Variants in TBL1XR1 observed in about 807,000 individuals in gnomAD.
TBL1XR1 encodes F-box-like/WD repeat-containing protein TBL1XR1.
A neutral mutation model predicts 66.9 loss-of-function variants in TBL1XR1; 5 were observed. The observed-to-expected ratio is 0.07, with a 90% confidence interval of 0.04 to 0.16. TBL1XR1 has a LOEUF of 0.16. TBL1XR1 is among the 10% of genes least tolerant of loss of function. TBL1XR1 has a pLI of 1.00. For synonymous variants in TBL1XR1, 210 were observed against 206.0 expected, an observed-to-expected ratio of 1.02 and a Z score of -0.17; for missense variants, 238 against 623.2, an observed-to-expected ratio of 0.38 and a Z score of 6.58.
chr3:177,158,376 G>C (rs951223969), intron 1 of TBL1XR1, among the ~76,000 whole-genome samples: 1 of 151,776 alleles, frequency 6.6e-6, no homozygotes, highest in Non-Finnish European at 1.5e-5. Flanking sequence ...TTACAGGTGC[G>C]AACCACTATG....
chr3:177,170,239 C>G (rs1032579189), intron 1 of TBL1XR1, among the ~76,000 whole-genome samples: 3 of 152,146 alleles, frequency 2.0e-5, no homozygotes, highest in African/African-American at 7.2e-5. Context: ...ATCCACAAGC[C>G]TCTCATGACC....
At chr3:177,083,176 A>G (rs539806610) in intron 2 of TBL1XR1, among the ~76,000 whole-genome samples, 2 of 152,278 alleles carry the variant, frequency 1.3e-5, no homozygotes, top group Admixed American at 1.3e-4. Flanking sequence ...AAGAGAGTGG[A>G]AACAAACTCT....
rs58640664 is a variant in TBL1XR1 at position 177,023,025 on chromosome 3, G to GA, written c.*2472dup. The GA allele has an allele frequency of 0.02, 2,881 of 144,922 alleles. 37 individuals are homozygous for GA. The highest frequency in any genetic ancestry group is 0.028 in the African/African-American group (1,117 of 39,858). The allele number at this position is 144,922 out of a possible 1,614,324, so 9.0% of individuals were successfully genotyped here. On this transcript the variant is annotated 3_prime_UTR_variant, in exon 16 of 16. Transcript: ENST00000457928. ...AAGTAAAATAGCTAAAGAAAAAAAA[G>GA]AAAAAAAAAACAGAAAAGATGACAA...
intron 2 of TBL1XR1, among the ~76,000 whole-genome samples, chr3:177,082,892 A>G (rs1721612249): frequency 6.6e-6 from 1 of 150,384 alleles, no homozygotes; most frequent in Admixed American, 6.6e-5. Flanking sequence ...AGTAGCTGGG[A>G]CTACAGGCGA....
intron 1 of TBL1XR1, among the ~76,000 whole-genome samples, chr3:177,133,977 T>G (rs975876348): frequency 6.6e-6 from 1 of 152,122 alleles, no homozygotes; most frequent in South Asian, 2.1e-4. Context: ...CTACACAGCT[T>G]CTTCTGCACA....
chr3:177,118,484 T>A (rs1159435294), intron 1 of TBL1XR1, among the ~76,000 whole-genome samples: 1 of 152,060 alleles, frequency 6.6e-6, no homozygotes, highest in Non-Finnish European at 1.5e-5. Flanking sequence ...CTTCTTATAC[T>A]CACCCTTTCA....
At chr3:177,150,378 A>G (rs1300346902) in intron 1 of TBL1XR1, among the ~76,000 whole-genome samples, 3 of 152,238 alleles carry the variant, frequency 2.0e-5, no homozygotes, top group Non-Finnish European at 4.4e-5. Flanking sequence ...AATAAGCCAG[A>G]CAACAGGAAT....
chr3:177,072,224 A>C (rs1248393512), intron 2 of TBL1XR1, among the ~76,000 whole-genome samples: 2 of 152,216 alleles, frequency 1.3e-5, no homozygotes, highest in African/African-American at 4.8e-5. Context: ...AAATGTGATC[A>C]ACTTTTTATT....
intron 1 of TBL1XR1, among the ~76,000 whole-genome samples, chr3:177,133,615 C>T (rs759096632): frequency 9.9e-5 from 15 of 152,058 alleles, no homozygotes; most frequent in Non-Finnish European, 1.9e-4. Context: ...AAGTAACACT[C>T]TATGCACTAG....
chr3:177,156,613 G>C (rs535129566), intron 1 of TBL1XR1, among the ~76,000 whole-genome samples: 29 of 151,024 alleles, frequency 1.9e-4, no homozygotes, highest in Admixed American at 7.9e-4. Context: ...AAACACTTGT[G>C]TCTGGAATAT....
intron 3 of TBL1XR1, among the ~76,000 whole-genome samples, chr3:177,063,807 T>C (rs1718810434): frequency 6.6e-6 from 1 of 152,210 alleles, no homozygotes. Flanking sequence ...TCCCTCCCTG[T>C]CCTTCTGGAC....
At chr3:177,169,057 A>G (rs1733155186) in intron 1 of TBL1XR1, among the ~76,000 whole-genome samples, 1 of 152,200 alleles carries the variant, frequency 6.6e-6, no homozygotes, top group South Asian at 2.1e-4. Flanking sequence ...ACAAAAATGA[A>G]AACTCCACAT....
In TBL1XR1 at chr3:177,020,689, G is replaced by T. The variant is rs534498598; in HGVS notation, c.*4809C>A. 2.0e-5 allele frequency: 3 copies of T among 152,224 alleles called. No homozygotes were observed. The highest frequency in any genetic ancestry group is 6.5e-5 in the Admixed American group (1 of 15,292). 9.4% of individuals were successfully genotyped at this position (152,224 alleles called of 1,614,324 possible). A position where few individuals can be genotyped will look rare whatever the true frequency, so the allele number is the denominator to read the frequency against. On this transcript the variant is annotated 3_prime_UTR_variant, in exon 16 of 16. Coordinates refer to ENST00000457928, the MANE Select transcript of TBL1XR1 (RefSeq NM_024665.7). ...AAATACCATCCCTCTCTCTTTACCT[G>T]ACTAGTAAATAGTCTATATAAACTA...
At chr3:177,197,600 A>C (rs1183337363), upstream of TBL1XR1, among the ~76,000 whole-genome samples, 2 of 127,388 alleles carry the variant, frequency 1.6e-5, no homozygotes, top group African/African-American at 2.9e-5. Flanking sequence ...GCAGCAAAAC[A>C]AACCCGAGCG....
chr3:177,046,622 AAAGC>A (rs1398420093), intron 9 of TBL1XR1, among the ~76,000 whole-genome samples: 2 of 152,198 alleles, frequency 1.3e-5, no homozygotes, highest in African/African-American at 4.8e-5. Flanking sequence ...GGCAGTACTT[AAAGC>A]AAGAACCTAA....
chr3:177,134,951 GTGTGTGTGTGTGTGTC>G (rs1366667037), intron 1 of TBL1XR1, among the ~76,000 whole-genome samples: 1 of 129,206 alleles, frequency 7.7e-6, no homozygotes, highest in Non-Finnish European at 1.6e-5. Flanking sequence ...AAGGCTGTGT[GTGTGTGTGTGTGTGTC>G]TGTGTGTGTG....
At chr3:177,108,387 G>A (rs1725139810) in intron 1 of TBL1XR1, among the ~76,000 whole-genome samples, 2 of 152,132 alleles carry the variant, frequency 1.3e-5, no homozygotes, top group Admixed American at 6.5e-5. Context: ...GTGGGGGTAA[G>A]AATGGAAAGA....
chr3:177,035,265 CT>C, intron 12 of TBL1XR1, among the ~76,000 whole-genome samples: 1 of 152,256 alleles, frequency 6.6e-6, no homozygotes, highest in East Asian at 1.9e-4. Context: ...TACATACTTT[CT>C]TTTTCCACTT....
intron 1 of TBL1XR1, among the ~76,000 whole-genome samples, chr3:177,187,921 TGA>T (rs1254664457): frequency 3.4e-5 from 5 of 147,240 alleles, no homozygotes; most frequent in African/African-American, 1.2e-4. Context: ...AAAAAAAGCT[TGA>T]GAGTCCAGAG....
Sources: gnomAD v4.1 joint callset for allele counts (sites outside exome capture counted in the v4.1 genomes callset) on GRCh38, gnomAD v4.1.1 for gene constraint, MANE v1.5 for transcripts, NCBI Gene and HGNC (gene_info 2026-07-23, HGNC 2026-07-21) for gene names.